Variants in NUP155 observed in about 807,000 individuals in gnomAD.
NUP155 encodes the protein nucleoporin 155.
NUP155 carries 71 observed loss-of-function variants against 180.4 expected under a neutral mutation model. The ratio of observed to expected loss-of-function variants is 0.39; its 90% confidence interval spans 0.33 to 0.48. The LOEUF (loss-of-function observed/expected upper bound fraction) is 0.48. NUP155 is among the 20% of genes least tolerant of loss of function. The probability of loss-of-function intolerance (pLI) is 0.91; values close to 1 mark genes in which losing one functional copy is unlikely to be tolerated. For synonymous variants in NUP155, 582 were observed against 559.5 expected (o/e 1.04, Z -0.57); for missense variants, 1,553 against 1,648.9 (o/e 0.94, Z 1.01).
At chr5:37,295,923 G>T (rs1419212887) in intron 32 of NUP155, among the ~76,000 whole-genome samples, 6 of 149,812 alleles carry the variant, frequency 4.0e-5, no homozygotes, top group Admixed American at 3.9e-4. Context: ...CGGGAGGTGA[G>T]GGGCGCCTCT....
At chr5:37,348,659 CTTTCTT>C (rs1262412680) in intron 8 of NUP155, 63 bp from the exon 9 acceptor site, 1 of 960,064 alleles carries the variant, frequency 1.0e-6, no homozygotes, top group East Asian at 2.5e-5. Context: ...TTATTAAACT[CTTTCTT>C]TTAAGGGATC....
intron 20 of NUP155, among the ~76,000 whole-genome samples, chr5:37,318,345 T>A (rs537314937): frequency 6.6e-6 from 1 of 150,758 alleles, no homozygotes; most frequent in East Asian, 2.0e-4. Flanking sequence ...AAAAAAAAGA[T>A]CAAGTAAAAA....
intron 9 of NUP155, among the ~76,000 whole-genome samples, chr5:37,347,011 T>C (rs961065178): frequency 2.0e-5 from 3 of 152,024 alleles, no homozygotes; most frequent in African/African-American, 4.8e-5. Flanking sequence ...GTGTATTGCT[T>C]GAGTCCAGGA....
At position 37,371,104 on chromosome 5, in the gene NUP155, G is replaced by T. The variant is rs1581229290; in HGVS notation, c.-127C>A. 5.6e-6 allele frequency: 5 copies of T among 884,990 alleles called. No homozygotes were observed. The highest frequency in any genetic ancestry group is 4.3e-5 in the South Asian group (3 of 70,154). 54.8% of individuals were successfully genotyped at this position (884,990 alleles called of 1,614,324 possible). ...CGCCAAACGAGCGCCTTGGCGCCTC[G>T]ACATGACGCACTTCCGCTTCATCCG... On this transcript the variant is annotated 5_prime_UTR_variant, in exon 1 of 35. Coordinates refer to ENST00000231498, the MANE Select transcript of NUP155 (RefSeq NM_153485.3).
At chr5:37,296,103 G>A (rs1742548306) in intron 32 of NUP155, among the ~76,000 whole-genome samples, 1 of 150,816 alleles carries the variant, frequency 6.6e-6, no homozygotes, top group Non-Finnish European at 1.5e-5. Context: ...GAGGTGAGGG[G>A]CACCTCTGCC....
At position 37,301,487 on chromosome 5, in the gene NUP155, CAGA is replaced by C; in HGVS notation, c.3508_3510del (p.Ser1170del). 2 of 1,613,876 alleles carry C rather than the reference CAGA, an allele frequency of 1.2e-6. No individual in the cohort carries two copies. The highest frequency in any genetic ancestry group is 1.7e-6 in the Non-Finnish European group (2 of 1,179,810). ...TCCAGCTGAGAAACTGCATCCTGTA[CAGA>C]AGAATGATGGGAATACTGCCTTTGT... On this transcript the variant is annotated inframe_deletion, in exon 30 of 35. Coordinates refer to ENST00000231498, the MANE Select transcript of NUP155 (RefSeq NM_153485.3).
At position 37,351,632 on chromosome 5, in the gene NUP155, G is replaced by A. The variant is rs1178110062; in HGVS notation, c.557-276C>T. Among the ~76,000 whole-genome samples, 31 of 151,354 alleles carry A rather than the reference G, an allele frequency of 2.0e-4. No homozygotes were observed. In the Admixed American group the frequency reaches 2.0e-3, roughly 10 times the overall value. ...CAGCTAATTTTTTTTTGTATTTTTA[G>A]TAGAGGCAAGGTTTCACCGTGTTAG... is the stretch of plus-strand genomic sequence containing the variant. On this transcript the variant is annotated intron_variant, in intron 5 of 34. Transcript: ENST00000231498.
intron 9 of NUP155, among the ~76,000 whole-genome samples, chr5:37,347,765 G>T (rs1403521960): frequency 1.3e-5 from 2 of 151,812 alleles, no homozygotes; most frequent in Non-Finnish European, 2.9e-5. Flanking sequence ...ATTTTGGGAG[G>T]CGTGGTGGGT....
intron 21 of NUP155, among the ~76,000 whole-genome samples, chr5:37,314,579 T>C (rs146792256): frequency 2.0e-5 from 3 of 151,812 alleles, no homozygotes; most frequent in Non-Finnish European, 4.4e-5. Context: ...GGCTCACGCC[T>C]GTAATCCCAG....
At chr5:37,308,478 C>T (rs897697561) in intron 24 of NUP155, among the ~76,000 whole-genome samples, 6 of 151,994 alleles carry the variant, frequency 3.9e-5, no homozygotes, top group African/African-American at 1.5e-4. Flanking sequence ...GTGGGTGGAT[C>T]ATGAGGTCAG....
chr5:37,341,174 C>A lies in NUP155; in HGVS notation c.1162G>T (p.Val388Phe). ...AATCCAGGAGGTAAGCGGACATGAA[C>A]CAGCGTCAGTGTATTAGGCCGTGCT... The part of the protein sequence containing the change: ...PLARPNTLTL[V>F]HVRLPPGFSA... The change falls in exon 11 of 35, where the codon GTT becomes TTT. Residue 388 changes from valine (V) to phenylalanine (F), a missense_variant. Coordinates refer to ENST00000231498, the MANE Select transcript of NUP155 (RefSeq NM_153485.3). The A allele has an allele frequency of 6.2e-7, 1 of 1,613,930 alleles. No homozygotes were observed. The highest frequency in any genetic ancestry group is 8.5e-7 in the Non-Finnish European group (1 of 1,179,824).
chr5:37,354,751 C>A (rs945763472), intron 4 of NUP155, among the ~76,000 whole-genome samples: 1 of 151,794 alleles, frequency 6.6e-6, no homozygotes, highest in South Asian at 2.1e-4. Context: ...GCCACCACAC[C>A]CAGCCTGAAA....
chr5:37,298,612 C>T lies in NUP155; in HGVS notation c.3793+256G>A, dbSNP rs917323095. 2.6e-5 allele frequency among the ~76,000 whole-genome samples: 4 copies of T among 152,112 alleles called. No individual in the cohort carries two copies. The East Asian group carries it at 7.7e-4, about 29-fold the overall frequency. ...TGTATAGGGTTACCAACAATATAATCATAGTTTGTCAGTCAGCACAATCCT... is the reference window on the plus strand; with the variant it reads ...TGTATAGGGTTACCAACAATATAATTATAGTTTGTCAGTCAGCACAATCCT... On this transcript the variant is annotated intron_variant, in intron 32 of 34. Transcript: ENST00000231498.
intron 18 of NUP155, 136 bp from the exon 19 acceptor site, chr5:37,326,103 T>C: frequency 1.5e-6 from 1 of 675,550 alleles, no homozygotes; most frequent in South Asian, 1.7e-5. Flanking sequence ...TTTACTAAGC[T>C]ATCTAGAAGA....
intron 9 of NUP155, among the ~76,000 whole-genome samples, chr5:37,348,134 C>CA (rs910726538): frequency 1.3e-5 from 2 of 151,214 alleles, no homozygotes; most frequent in East Asian, 1.9e-4. Context: ...AACTCCATCT[C>CA]AAAAAAAATA....
intron 19 of NUP155, 38 bp downstream of exon 19, chr5:37,325,863 C>T (rs375984663): frequency 2.6e-5 from 34 of 1,293,720 alleles, no homozygotes; most frequent in African/African-American, 4.4e-5. Flanking sequence ...CATCAACTGG[C>T]TACACAAAAA....
chr5:37,299,704 T>C (rs1249556969), intron 30 of NUP155, 136 bp from the exon 31 acceptor site: 1 of 910,896 alleles, frequency 1.1e-6, no homozygotes, highest in Non-Finnish European at 1.7e-6. Flanking sequence ...AAAGATGTGA[T>C]GATGTATGTA....
At chr5:37,361,557 C>T (rs963675207) in intron 3 of NUP155, among the ~76,000 whole-genome samples, 2 of 152,100 alleles carry the variant, frequency 1.3e-5, no homozygotes, top group African/African-American at 4.8e-5. Context: ...TCCACAGGGC[C>T]CTTTGATAAC....
intron 4 of NUP155, among the ~76,000 whole-genome samples, chr5:37,355,286 T>C (rs1213269978): frequency 6.6e-6 from 1 of 152,006 alleles, no homozygotes; most frequent in Admixed American, 6.6e-5. Flanking sequence ...GGTGGGCGGA[T>C]CGCTTGAGGC....
Sources: gnomAD v4.1 joint callset for allele counts (sites outside exome capture counted in the v4.1 genomes callset) on GRCh38, gnomAD v4.1.1 for gene constraint, MANE v1.5 for transcripts, NCBI Gene and HGNC (gene_info 2026-07-23, HGNC 2026-07-21) for gene names.